The following MAML3 variants were observed in gnomAD, a reference collection of about 807,000 sequenced individuals.
The protein encoded by MAML3 is mastermind like transcriptional coactivator 3, also known as mastermind-like protein 3.
A neutral mutation model predicts 101.9 loss-of-function variants in MAML3; 27 were observed. The observed-to-expected ratio is 0.27, with a 90% CI of 0.20 to 0.37. MAML3 has a LOEUF of 0.37. Among genes scored for constraint, MAML3 ranks in the 10% least tolerant of loss-of-function variants. The pLI is 1.00. For synonymous variants in MAML3, 501 were observed against 555.9 expected, an observed-to-expected ratio of 0.90 and a Z score of 1.39; for missense variants, 1,316 against 1,444.9, an observed-to-expected ratio of 0.91 and a Z score of 1.45.
chr4:139,749,070 C>T (rs1729417434), intron 2 of MAML3, among the ~76,000 whole-genome samples: 1 of 152,172 alleles, frequency 6.6e-6, no homozygotes, highest in Admixed American at 6.5e-5. Flanking sequence ...AAGCTCTAAA[C>T]AGAGCTCAAA....
intron 2 of MAML3, among the ~76,000 whole-genome samples, chr4:139,823,890 C>T (rs1731016607): frequency 6.6e-6 from 1 of 151,404 alleles, no homozygotes; most frequent in Non-Finnish European, 1.5e-5. Context: ...AATTTAGATT[C>T]TAGTTAAGCA....
chr4:140,117,107 T>C (rs1728528696), intron 1 of MAML3, among the ~76,000 whole-genome samples: 1 of 152,226 alleles, frequency 6.6e-6, no homozygotes, highest in African/African-American at 2.4e-5. Context: ...TGGGGATTTC[T>C]CTAGTCTCTT....
rs560673465 is a variant in MAML3 at position 140,000,601 on chromosome 4, T to C, written c.469-109634A>G. ...AACTATAGGGCCAGTTACCCAAACC[T>C]TTATCCCAGCCCACTTCTTGAGAAT... On this transcript the variant is annotated intron_variant, in intron 1 of 4. Transcript: ENST00000509479. Among the ~76,000 whole-genome samples, 8 of 152,252 alleles carry C rather than the reference T, an allele frequency of 5.3e-5. 1 individual carries two copies. The highest frequency in any genetic ancestry group is 1.9e-4 in the African/African-American group (8 of 41,532).
At chr4:139,747,391 T>G (rs993584554) in intron 2 of MAML3, among the ~76,000 whole-genome samples, 40 of 152,200 alleles carry the variant, frequency 2.6e-4, no homozygotes, top group African/African-American at 9.2e-4. Flanking sequence ...GGGGAAGAAC[T>G]TTAAAAATGT....
At chr4:140,108,282 C>T (rs59108273) in intron 1 of MAML3, among the ~76,000 whole-genome samples, 1 of 151,928 alleles carries the variant, frequency 6.6e-6, no homozygotes, top group African/African-American at 2.4e-5. Flanking sequence ...CTACCACGGG[C>T]TACTCTTGGG....
At chr4:139,972,407 T>C (rs1010267968) in intron 1 of MAML3, among the ~76,000 whole-genome samples, 5 of 152,232 alleles carry the variant, frequency 3.3e-5, no homozygotes, top group Admixed American at 1.3e-4. Context: ...AGAACCAGTT[T>C]ACAAGCCTTA....
chr4:139,728,986 G>C (rs72946554), intron 3 of MAML3, among the ~76,000 whole-genome samples: 4,463 of 152,152 alleles, frequency 0.029, 179 homozygotes, highest in African/African-American at 0.093. Flanking sequence ...ACAGAGCCCA[G>C]CTGCCCTCGG....
intron 1 of MAML3, among the ~76,000 whole-genome samples, chr4:140,140,652 T>TA (rs1297097710): frequency 1.3e-5 from 2 of 152,192 alleles, no homozygotes; most frequent in Non-Finnish European, 2.9e-5. Context: ...GCATAATACT[T>TA]AGTTTATTGG....
intron 2 of MAML3, among the ~76,000 whole-genome samples, chr4:139,868,275 A>G (rs1330568246): frequency 6.6e-6 from 1 of 152,238 alleles, no homozygotes; most frequent in African/African-American, 2.4e-5. Context: ...ACTACCTACA[A>G]ATTTAGCAGG....
rs559811158 is a variant in MAML3 at position 139,798,212 on chromosome 4, T to C, written c.2080-67545A>G. 2.6e-5 allele frequency among the ~76,000 whole-genome samples: 4 copies of C among 152,196 alleles called. No individual in the cohort carries two copies. The South Asian group carries it at 8.3e-4, about 32-fold the overall frequency. ...TGTTGAAATGTTTTTCATAATACAA[T>C]AAGAAAAAAATCACTTACGCTTTCT... is the stretch of plus-strand genomic sequence containing the variant. On this transcript the variant is annotated intron_variant, in intron 2 of 4. Coordinates refer to ENST00000509479, the MANE Select transcript of MAML3 (RefSeq NM_018717.5).
intron 1 of MAML3, among the ~76,000 whole-genome samples, chr4:140,030,659 C>A (rs1224884546): frequency 2.6e-5 from 4 of 152,180 alleles, no homozygotes; most frequent in African/African-American, 9.7e-5. Context: ...AGGCATTTCA[C>A]CTCCTCCCTC....
At chr4:140,016,866 A>C (rs1163762382) in intron 1 of MAML3, among the ~76,000 whole-genome samples, 1 of 152,214 alleles carries the variant, frequency 6.6e-6, no homozygotes, top group Admixed American at 6.5e-5. Flanking sequence ...ATTTTAGGAA[A>C]AAAAGTAAGA....
chr4:140,012,212 A>G (rs1458152927), intron 1 of MAML3, among the ~76,000 whole-genome samples: 1 of 152,252 alleles, frequency 6.6e-6, no homozygotes, highest in Non-Finnish European at 1.5e-5. Flanking sequence ...TTAATGTTGT[A>G]TAGAGTGAAA....
At chr4:139,792,830 C>T (rs920471777) in intron 2 of MAML3, among the ~76,000 whole-genome samples, 2 of 151,504 alleles carry the variant, frequency 1.3e-5, no homozygotes, top group East Asian at 1.9e-4. Flanking sequence ...CTGCAAGCTC[C>T]GCCTCCCGGG....
chr4:140,040,991 T>C (rs181154904), intron 1 of MAML3, among the ~76,000 whole-genome samples: 17 of 152,188 alleles, frequency 1.1e-4, no homozygotes, highest in African/African-American at 4.1e-4. Context: ...TATGAAACTT[T>C]CATGGAGGAC....
intron 1 of MAML3, among the ~76,000 whole-genome samples, chr4:139,962,207 AG>A (rs1270899553): frequency 6.6e-6 from 1 of 152,104 alleles, no homozygotes; most frequent in East Asian, 1.9e-4. Flanking sequence ...TTCTCTGTCC[AG>A]AGAGTTAATA....
intron 1 of MAML3, among the ~76,000 whole-genome samples, chr4:139,972,475 A>G (rs192881444): frequency 2.6e-5 from 4 of 152,326 alleles, no homozygotes; most frequent in Middle Eastern, 3.4e-3. Flanking sequence ...TCAGAGATGC[A>G]TCACTCCATG....
chr4:140,055,502 G>A (rs950005619), intron 1 of MAML3, among the ~76,000 whole-genome samples: 12 of 152,140 alleles, frequency 7.9e-5, no homozygotes, highest in African/African-American at 2.2e-4. Context: ...CTGCCTGGAC[G>A]ACAACATGTA....
chr4:139,988,857 G>C (rs1327815302), intron 1 of MAML3, among the ~76,000 whole-genome samples: 2 of 152,204 alleles, frequency 1.3e-5, no homozygotes, highest in Non-Finnish European at 2.9e-5. Flanking sequence ...CTGAGGAAGT[G>C]AGAAGGACGT....
Sources: allele counts gnomAD v4.1 joint callset (sites outside exome capture counted in the v4.1 genomes callset), GRCh38; gene constraint gnomAD v4.1.1; transcripts MANE v1.5; gene names NCBI Gene and HGNC (gene_info 2026-07-23, HGNC 2026-07-21).